Variants in STAP1 observed in about 807,000 individuals in gnomAD.
The protein encoded by STAP1 is signal-transducing adaptor protein 1.
Under a neutral mutation model 37.8 loss-of-function variants are expected in STAP1, and 30 were observed. That is an observed-to-expected ratio of 0.79 (90% CI 0.59 to 1.08). The LOEUF (loss-of-function observed/expected upper bound fraction) is 1.08, where lower values mean the gene tolerates loss of function less well. STAP1 is among the 50% of genes least tolerant of loss of function. The probability of loss-of-function intolerance (pLI) is 0.00; values close to 1 mark genes in which losing one functional copy is unlikely to be tolerated. For missense variants in STAP1, 357 were observed against 349.4 expected (o/e 1.02, Z -0.17); for synonymous variants, 130 against 116.0 (o/e 1.12, Z -0.78).
chr4:67,602,438 T>G (rs1728363917), intron 8 of STAP1, among the ~76,000 whole-genome samples: 1 of 152,184 alleles, frequency 6.6e-6, no homozygotes, highest in Non-Finnish European at 1.5e-5. Flanking sequence ...AGTTAGGTAC[T>G]TAATCTAGTC....
chr4:67,577,371 G>A lies in STAP1; in HGVS notation c.363+112G>A. ...GGCTGAAGATATAGCAATTGAAAAA[G>A]ATAGACCTAAACTCTTGCACTTACT... On this transcript the variant is annotated intron_variant, in intron 4 of 8. Coordinates refer to ENST00000265404, the MANE Select transcript of STAP1 (RefSeq NM_012108.4). 4.6e-6 allele frequency: 4 copies of A among 862,342 alleles called. 1 individual carries two copies. The South Asian group carries it at 6.8e-5, about 15-fold the overall frequency. The allele number at this position is 862,342 out of a possible 1,614,324, so 53.4% of individuals were successfully genotyped here. A position where few individuals can be genotyped will look rare whatever the true frequency, so the allele number is the denominator to read the frequency against.
chr4:67,599,245 ACTC>A (rs1221193439), intron 8 of STAP1, among the ~76,000 whole-genome samples: 1 of 152,010 alleles, frequency 6.6e-6, no homozygotes, highest in East Asian at 1.9e-4. Flanking sequence ...GGAAGTATTT[ACTC>A]CTCCTCTATT....
intron 8 of STAP1, among the ~76,000 whole-genome samples, chr4:67,598,230 G>C (rs955769765): frequency 6.6e-6 from 1 of 152,170 alleles, no homozygotes. Context: ...GAATAGTGTT[G>C]TTATAAACAT....
chr4:67,604,966 A>G (rs1728419454), intron 8 of STAP1, among the ~76,000 whole-genome samples: 1 of 152,124 alleles, frequency 6.6e-6, no homozygotes, highest in Admixed American at 6.5e-5. Flanking sequence ...TCTGTTTTGT[A>G]TCTGGTTCTG....
intron 1 of STAP1, among the ~76,000 whole-genome samples, chr4:67,564,653 T>C (rs1216519023): frequency 1.3e-5 from 2 of 152,024 alleles, no homozygotes; most frequent in Non-Finnish European, 2.9e-5. Context: ...TTTAGTAAAA[T>C]TGCACAAATG....
intron 8 of STAP1, among the ~76,000 whole-genome samples, chr4:67,604,527 A>T (rs1728410144): frequency 6.6e-6 from 1 of 152,134 alleles, no homozygotes; most frequent in African/African-American, 2.4e-5. Flanking sequence ...ATTCATTTCA[A>T]GAATGTTTAT....
intron 6 of STAP1, among the ~76,000 whole-genome samples, chr4:67,585,029 T>C (rs1219952306): frequency 1.3e-5 from 2 of 152,236 alleles, no homozygotes; most frequent in African/African-American, 4.8e-5. Flanking sequence ...TTAGATCTTT[T>C]AATAGACTCC....
chr4:67,582,672 A>G (rs1727890907), intron 5 of STAP1, among the ~76,000 whole-genome samples: 1 of 151,184 alleles, frequency 6.6e-6, no homozygotes, highest in Non-Finnish European at 1.5e-5. Context: ...TTTCTTGACT[A>G]CGATTTACAG....
intron 8 of STAP1, among the ~76,000 whole-genome samples, chr4:67,598,016 A>C (rs1378491858): frequency 1.3e-5 from 2 of 152,116 alleles, no homozygotes; most frequent in Non-Finnish European, 2.9e-5. Context: ...CCAGGAGTGG[A>C]ATGATATGGT....
intron 6 of STAP1, among the ~76,000 whole-genome samples, chr4:67,585,623 T>C (rs1256935397): frequency 1.3e-5 from 2 of 152,236 alleles, no homozygotes; most frequent in Non-Finnish European, 1.5e-5. Flanking sequence ...TTTTTGTTTA[T>C]TATAAACTAA....
chr4:67,565,502 T>G (rs969604114), intron 1 of STAP1, among the ~76,000 whole-genome samples: 6 of 152,240 alleles, frequency 3.9e-5, no homozygotes, highest in Non-Finnish European at 8.8e-5. Context: ...GGAAGAAGTA[T>G]TATGTGGCTA....
intron 7 of STAP1, among the ~76,000 whole-genome samples, chr4:67,591,554 C>T (rs1401283522): frequency 1.3e-5 from 2 of 152,202 alleles, no homozygotes; most frequent in African/African-American, 2.4e-5. Flanking sequence ...ATGTGGCCTA[C>T]ATTCCAGGAT....
intron 4 of STAP1, among the ~76,000 whole-genome samples, chr4:67,578,830 ATTTT>A (rs11314663): frequency 7.0e-6 from 1 of 142,488 alleles, no homozygotes. Flanking sequence ...ATTTATGTGA[ATTTT>A]TTTTTTTTTT....
intron 8 of STAP1, among the ~76,000 whole-genome samples, chr4:67,598,775 T>C (rs1005881123): frequency 2.0e-5 from 3 of 152,236 alleles, no homozygotes; most frequent in African/African-American, 7.2e-5. Flanking sequence ...AGAAGATTTT[T>C]AACTTAATGC....
At position 67,581,229 on chromosome 4, in the gene STAP1, G is replaced by A. The variant is rs576382615; in HGVS notation, c.364-76G>A. The A allele has an allele frequency of 1.7e-5, 25 of 1,446,182 alleles. No individual in the cohort carries two copies. The African/African-American group carries it at 3.0e-4, about 17-fold the overall frequency. 89.6% of individuals were successfully genotyped at this position (1,446,182 alleles called of 1,614,324 possible). On this transcript the variant is annotated intron_variant, in intron 4 of 8. Transcript: ENST00000265404. ...AGGTAACTGTAGCCCTATAGGACCA[G>A]AACAGGGTCGTCTTTACTAAAGTTA...
intron 1 of STAP1, among the ~76,000 whole-genome samples, chr4:67,569,745 T>C (rs1727556978): frequency 6.6e-6 from 1 of 152,154 alleles, no homozygotes; most frequent in South Asian, 2.1e-4. Flanking sequence ...TGTGTGTGTG[T>C]GTGAGATGGA....
intron 6 of STAP1, among the ~76,000 whole-genome samples, chr4:67,586,245 T>C (rs2109868213): frequency 6.6e-6 from 1 of 152,142 alleles, no homozygotes; most frequent in African/African-American, 2.4e-5. Flanking sequence ...GATCATGAGG[T>C]CAGGAGTTTG....
In STAP1 at chr4:67,593,204, T is replaced by C. The variant is rs913267799; in HGVS notation, c.730-56T>C. On this transcript the variant is annotated intron_variant, in intron 7 of 8. Transcript: ENST00000265404. ...CATTAGATTCCAGTTGAGCCTTCTC[T>C]TACTCTATACTTATGCAGGTGATGC... 3.1e-6 allele frequency: 4 copies of C among 1,277,710 alleles called. 1 individual carries two copies. The highest frequency in any genetic ancestry group is 4.4e-6 in the Non-Finnish European group (4 of 904,040). The allele number at this position is 1,277,710 out of a possible 1,614,324, so 79.1% of individuals were successfully genotyped here. A position where few individuals can be genotyped will look rare whatever the true frequency, so the allele number is the denominator to read the frequency against.
At chr4:67,571,833 T>C (rs1007517992) in intron 2 of STAP1, among the ~76,000 whole-genome samples, 1 of 152,168 alleles carries the variant, frequency 6.6e-6, no homozygotes, top group Admixed American at 6.6e-5. Context: ...ATCTAATAAT[T>C]AGAACATCAT....
Sources: allele counts gnomAD v4.1 joint callset (sites outside exome capture counted in the v4.1 genomes callset), GRCh38; gene constraint gnomAD v4.1.1; transcripts MANE v1.5; gene names NCBI Gene and HGNC (gene_info 2026-07-23, HGNC 2026-07-21).